Variants in PFDN1 observed in about 807,000 individuals in gnomAD.
PFDN1 encodes prefoldin 1.
Under a neutral mutation model 17.3 loss-of-function variants are expected in PFDN1, and 6 were observed. The observed-to-expected ratio is 0.35, with a 90% confidence interval of 0.19 to 0.69. The LOEUF is 0.69. Among genes scored for constraint, PFDN1 ranks in the 30% least tolerant of loss-of-function variants. The pLI is 0.65. For synonymous variants in PFDN1, 58 were observed against 50.1 expected, an observed-to-expected ratio of 1.16 and a Z score of -0.67; for missense variants, 113 against 146.2, an observed-to-expected ratio of 0.77 and a Z score of 1.17.
intron 3 of PFDN1, among the ~76,000 whole-genome samples, chr5:140,252,937 G>C (rs1352867008): frequency 6.6e-6 from 1 of 152,204 alleles, no homozygotes; most frequent in Non-Finnish European, 1.5e-5. Flanking sequence ...ACACCTGAGA[G>C]ACAGGTCTAA....
intron 3 of PFDN1, among the ~76,000 whole-genome samples, chr5:140,257,223 CAA>C (rs201028967): frequency 1.9e-4 from 14 of 75,022 alleles, no homozygotes; most frequent in Non-Finnish European, 1.9e-4. Flanking sequence ...AACTCCATCT[CAA>C]AAAAAAAAAA....
intron 3 of PFDN1, among the ~76,000 whole-genome samples, chr5:140,257,489 C>G (rs745693063): frequency 1.4e-4 from 22 of 152,216 alleles, no homozygotes; most frequent in Non-Finnish European, 2.9e-4. Flanking sequence ...CTGTCTGCTT[C>G]TTTTCATTCA....
intron 2 of PFDN1, among the ~76,000 whole-genome samples, chr5:140,290,003 T>C (rs1413483065): frequency 1.3e-5 from 2 of 152,174 alleles, no homozygotes; most frequent in Non-Finnish European, 2.9e-5. Context: ...GCCTAATTCA[T>C]CCTAAATATA....
At chr5:140,265,921 CT>C (rs1225303233) in intron 3 of PFDN1, 1 of 152,290 alleles carries the variant, frequency 6.6e-6, no homozygotes, top group Non-Finnish European at 1.5e-5. Context: ...TTCCCACTCA[CT>C]CACTTCCCAA....
chr5:140,281,248 G>C lies in PFDN1; in HGVS notation c.285+201C>G, dbSNP rs905364300. The C allele has an allele frequency of 1.8e-5, 8 of 442,214 alleles. No individual in the cohort carries two copies. In the Admixed American group the frequency reaches 2.7e-4, roughly 15 times the overall value. 27.4% of individuals were successfully genotyped at this position (442,214 alleles called of 1,614,324 possible). On this transcript the variant is annotated intron_variant, in intron 3 of 3. Transcript: ENST00000261813. ...CAAAATTCTCTGCAGTTCCAAAGAA[G>C]AGACTATTCTTTTTTTTTTGTTTTG...
intron 3 of PFDN1, among the ~76,000 whole-genome samples, chr5:140,269,174 A>G (rs1765171596): frequency 6.6e-6 from 1 of 151,908 alleles, no homozygotes; most frequent in Admixed American, 6.6e-5. Flanking sequence ...CACCATGCCC[A>G]GATAGTTTTT....
intron 1 of PFDN1, among the ~76,000 whole-genome samples, chr5:140,302,786 A>C (rs893062588): frequency 1.3e-5 from 2 of 152,162 alleles, no homozygotes; most frequent in African/African-American, 2.4e-5. Context: ...TCTGGAGCTC[A>C]GAAAGACTGG....
chr5:140,270,085 G>A (rs1765184543), intron 3 of PFDN1, among the ~76,000 whole-genome samples: 1 of 152,174 alleles, frequency 6.6e-6, no homozygotes. Context: ...TATTACCTCA[G>A]GTTGGAGGAC....
chr5:140,254,221 C>T lies in PFDN1; in HGVS notation c.286-8164G>A, dbSNP rs532066632. On this transcript the variant is annotated intron_variant, in intron 3 of 3. Transcript: ENST00000261813. This position sits in a 1 kb window ranked among gnomAD's most constrained non-coding sequence, Gnocchi z 4.4. ...GCACAGAAACAGGCAGTGGGCTGGACGGGGCAGGCGGTGGTTTGCCAGTGT... is the reference window on the plus strand; with the variant it reads ...GCACAGAAACAGGCAGTGGGCTGGATGGGGCAGGCGGTGGTTTGCCAGTGT... 9.9e-5 allele frequency among the ~76,000 whole-genome samples: 15 copies of T among 152,092 alleles called. No individual in the cohort carries two copies. Among genetic ancestry groups the T allele is most frequent in the Non-Finnish European group, 1.8e-4 (12 of 68,026 alleles).
chr5:140,283,414 T>C (rs1183159489), intron 2 of PFDN1, among the ~76,000 whole-genome samples: 2 of 152,156 alleles, frequency 1.3e-5, no homozygotes, highest in East Asian at 1.9e-4. Flanking sequence ...TTCTATTTTT[T>C]AGTAGAGACA....
intron 2 of PFDN1, among the ~76,000 whole-genome samples, chr5:140,299,468 C>A (rs1247521484): frequency 6.6e-6 from 1 of 151,868 alleles, no homozygotes; most frequent in Non-Finnish European, 1.5e-5. Context: ...GGCATGGTAG[C>A]ATGCGCCTGT....
rs367752486 is a variant in PFDN1, at chr5:140,245,274, T to G, written c.*700A>C. 7 of 558,400 alleles carry G rather than the reference T, an allele frequency of 1.3e-5. No homozygotes were observed. Among genetic ancestry groups the G allele is most frequent in the Admixed American group, 3.1e-5 (1 of 32,770 alleles). The allele number at this position is 558,400 out of a possible 1,614,324, so 34.6% of individuals were successfully genotyped here. The stretch of plus-strand genomic sequence containing the variant: ...CCTCAGGATTATGGCGTCCATCTTA[T>G]GATATTGGCCAAAAGGAGACAGTCT... On this transcript the variant is annotated 3_prime_UTR_variant, in exon 4 of 4. Transcript: ENST00000261813.
intron 2 of PFDN1, among the ~76,000 whole-genome samples, chr5:140,294,183 C>T (rs1765619841): frequency 6.6e-6 from 1 of 152,006 alleles, no homozygotes; most frequent in Non-Finnish European, 1.5e-5. Flanking sequence ...AAAGTAATCT[C>T]ACACATTATT....
intron 2 of PFDN1, among the ~76,000 whole-genome samples, chr5:140,295,064 A>T (rs950386102): frequency 6.6e-6 from 1 of 151,330 alleles, no homozygotes; most frequent in Non-Finnish European, 1.5e-5. Flanking sequence ...TCCTCATATT[A>T]AAAAAAAAGT....
chr5:140,259,147 C>T (rs1035393218), intron 3 of PFDN1, among the ~76,000 whole-genome samples: 5 of 152,110 alleles, frequency 3.3e-5, no homozygotes, highest in South Asian at 2.1e-4. Context: ...AGTGACAACA[C>T]GTCAGAAATG....
rs969146598 is a variant in PFDN1 at position 140,285,655 on chromosome 5, A to AT, written c.201-4123dup. On this transcript the variant is annotated intron_variant, in intron 2 of 3. Coordinates refer to ENST00000261813, the MANE Select transcript of PFDN1 (RefSeq NM_002622.5). ...CTGATTAGAAACAAAGGAAAAAAAA[A>AT]TTTTTTTTTAACATTTTGTTGAACT... Among the ~76,000 whole-genome samples the AT allele has an allele frequency of 4.0e-5, 6 of 151,810 alleles. No homozygotes were observed. In the East Asian group the frequency reaches 9.6e-4, roughly 24 times the overall value.
At chr5:140,303,014 C>T (rs1354488473) in intron 1 of PFDN1, 27 bp downstream of exon 1, 9 of 1,571,948 alleles carry the variant, frequency 5.7e-6, no homozygotes, top group Non-Finnish European at 7.9e-6. Context: ...AAAAGAAGAC[C>T]TCCGCCTGCC....
At chr5:140,249,846 C>T (rs537801741) in intron 3 of PFDN1, among the ~76,000 whole-genome samples, 46 of 152,254 alleles carry the variant, frequency 3.0e-4, no homozygotes, top group African/African-American at 1.1e-3. Context: ...CCAAGCCATA[C>T]ACAAGAAACC....
intron 3 of PFDN1, chr5:140,262,415 T>A: frequency 2.4e-6 from 1 of 416,838 alleles, no homozygotes; most frequent in South Asian, 1.7e-5. Flanking sequence ...TCTGGCTCCA[T>A]GAAGAACACG....
Sources: gnomAD v4.1 joint callset for allele counts (sites outside exome capture counted in the v4.1 genomes callset) on GRCh38, gnomAD v4.1.1 for gene constraint, Gnocchi (gnomAD v3.1) non-coding constraint, MANE v1.5 for transcripts, NCBI Gene and HGNC (gene_info 2026-07-23, HGNC 2026-07-21) for gene names.